PTPRD: variants seen among roughly 807,000 people sequenced by gnomAD.
PTPRD encodes receptor-type tyrosine-protein phosphatase delta.
PTPRD carries 34 observed loss-of-function variants against 214.5 expected under a neutral mutation model. The observed-to-expected ratio is 0.16, with a 90% CI of 0.12 to 0.21. The LOEUF (loss-of-function observed/expected upper bound fraction) is 0.21, where lower values mean the gene tolerates loss of function less well. Ranked by LOEUF, PTPRD falls within the 10% of genes least tolerant of loss-of-function variation. PTPRD has a pLI of 1.00. For missense variants in PTPRD, 2,545 were observed against 2,398.7 expected (o/e 1.06, Z -1.27); for synonymous variants, 1,128 against 845.7 (o/e 1.33, Z -5.79).
intron 11 of PTPRD, among the ~76,000 whole-genome samples, chr9:8,946,306 G>C (rs186068857): frequency 6.6e-6 from 1 of 152,172 alleles, no homozygotes; most frequent in Non-Finnish European, 1.5e-5. Flanking sequence ...TTAATCAAAA[G>C]TCTTAAAACG....
chr9:8,648,521 T>C (rs914605860), intron 12 of PTPRD, among the ~76,000 whole-genome samples: 6 of 152,224 alleles, frequency 3.9e-5, no homozygotes, highest in African/African-American at 1.2e-4. Context: ...GAAAACATGT[T>C]ATCAGCAACA....
chr9:8,770,385 A>C (rs571493756), intron 11 of PTPRD, among the ~76,000 whole-genome samples: 2 of 152,308 alleles, frequency 1.3e-5, no homozygotes, highest in Admixed American at 1.3e-4. Context: ...AATACAATCA[A>C]ATAATTAGAA....
chr9:9,960,675 G>A (rs1368244508), intron 4 of PTPRD, among the ~76,000 whole-genome samples: 6 of 152,052 alleles, frequency 3.9e-5, no homozygotes, highest in African/African-American at 1.4e-4. Context: ...TTCTAACAGA[G>A]GGGCATCCTG....
intron 5 of PTPRD, among the ~76,000 whole-genome samples, chr9:9,860,327 G>C (rs2062452053): frequency 6.6e-6 from 1 of 152,154 alleles, no homozygotes; most frequent in Non-Finnish European, 1.5e-5. Context: ...CTTAACTAAA[G>C]GACAATTGAA....
intron 7 of PTPRD, among the ~76,000 whole-genome samples, chr9:9,701,746 T>G (rs529743521): frequency 1.3e-5 from 2 of 151,884 alleles, no homozygotes; most frequent in Non-Finnish European, 2.9e-5. Context: ...AATATGCTAT[T>G]AATACAATTT....
Position 9,566,694 on chromosome 9 carries a change from C to T in PTPRD, c.-237+8038G>A, listed in dbSNP as rs187487172. Among the ~76,000 whole-genome samples, 295 of 152,124 alleles carry T rather than the reference C, an allele frequency of 1.9e-3. 1 individual carries two copies. Among genetic ancestry groups the T allele is most frequent in the Non-Finnish European group, 3.3e-3 (225 of 67,934 alleles). ...CCAGCTTTTAAGAAAAGCTTACACT[C>T]GTAGTGGGGTCATAACTAATTATAT... On this transcript the variant is annotated intron_variant, in intron 8 of 45. Coordinates refer to ENST00000381196, the MANE Select transcript of PTPRD (RefSeq NM_002839.4).
intron 12 of PTPRD, among the ~76,000 whole-genome samples, chr9:8,731,277 T>G (rs1411085501): frequency 6.6e-6 from 1 of 152,202 alleles, no homozygotes; most frequent in African/African-American, 2.4e-5. Context: ...CATCCCCATA[T>G]GGTCTTCTTT....
At chr9:9,451,123 C>G (rs927699645) in intron 8 of PTPRD, among the ~76,000 whole-genome samples, 1 of 151,726 alleles carries the variant, frequency 6.6e-6, no homozygotes, top group Admixed American at 6.6e-5. Flanking sequence ...GCATTACCCT[C>G]TCTAAATGAA....
chr9:10,105,266 C>T (rs771589488), intron 3 of PTPRD, among the ~76,000 whole-genome samples: 151 of 151,768 alleles, frequency 9.9e-4, no homozygotes, highest in Non-Finnish European at 1.9e-3. Context: ...TTGAAAATCA[C>T]ATTAATTCAT....
intron 4 of PTPRD, among the ~76,000 whole-genome samples, chr9:9,968,594 ATGTGGTG>A (rs923823915): frequency 2.6e-5 from 4 of 152,110 alleles, no homozygotes; most frequent in African/African-American, 9.7e-5. Context: ...TCTTTGCCTA[ATGTGGTG>A]TGTTTTGAGA....
rs1449773330 is a variant in PTPRD at position 10,612,936 on chromosome 9, C to A, written c.-956G>T. Among the ~76,000 whole-genome samples the A allele has an allele frequency of 2.0e-5, 3 of 151,074 alleles. No individual in the cohort carries two copies. Among genetic ancestry groups the A allele is most frequent in the Non-Finnish European group, 4.4e-5 (3 of 67,678 alleles). Reference sequence around the variant, plus strand: ...GCTGCGGGCGCGGCTGGGCGGGGAGCCGAGGCGGCCGCTCCCGCACTCGCT... The same window carrying A: ...GCTGCGGGCGCGGCTGGGCGGGGAGACGAGGCGGCCGCTCCCGCACTCGCT... On this transcript the variant is annotated 5_prime_UTR_variant, in exon 1 of 46. Coordinates refer to ENST00000381196, the MANE Select transcript of PTPRD (RefSeq NM_002839.4).
intron 3 of PTPRD, among the ~76,000 whole-genome samples, chr9:10,227,728 T>C (rs532154738): frequency 1.3e-5 from 2 of 151,858 alleles, no homozygotes; most frequent in South Asian, 4.1e-4. Context: ...GCTTGCTTGT[T>C]TGTTTTGTAT....
chr9:9,370,173 T>C (rs942141833), intron 9 of PTPRD, among the ~76,000 whole-genome samples: 6 of 152,122 alleles, frequency 3.9e-5, no homozygotes, highest in Non-Finnish European at 5.9e-5. Flanking sequence ...TTGATGGGGA[T>C]GGCATTGAAT....
At chr9:9,882,453 TC>T (rs2069078695) in intron 5 of PTPRD, among the ~76,000 whole-genome samples, 2 of 152,116 alleles carry the variant, frequency 1.3e-5, no homozygotes, top group Non-Finnish European at 2.9e-5. Flanking sequence ...GTCCCACCAT[TC>T]TAGGCTTGAG....
At chr9:9,082,119 G>A (rs1047650481) in intron 10 of PTPRD, among the ~76,000 whole-genome samples, 1 of 151,976 alleles carries the variant, frequency 6.6e-6, no homozygotes, top group Non-Finnish European at 1.5e-5. Context: ...TATGAGGCCA[G>A]CATCATCCTG....
rs181038128 is a variant in PTPRD, at chr9:10,209,417, G to A, written c.-545+131546C>T. ...ACTTCTGCTCAGATTAGTGGCAATC[G>A]AATTTCTTCATTTAGAACATTTGAT... On this transcript the variant is annotated intron_variant, in intron 3 of 45. Transcript: ENST00000381196. 2.6e-3 allele frequency among the ~76,000 whole-genome samples: 401 copies of A among 152,084 alleles called. 6 individuals carry two copies. Among genetic ancestry groups the A allele is most frequent in the Admixed American group, 0.021 (327 of 15,276 alleles).
chr9:9,606,340 A>T (rs1170514105), intron 7 of PTPRD, among the ~76,000 whole-genome samples: 1 of 152,058 alleles, frequency 6.6e-6, no homozygotes, highest in Admixed American at 6.6e-5. Flanking sequence ...ATCTCATTAT[A>T]ATTAGCTTGG....
intron 3 of PTPRD, among the ~76,000 whole-genome samples, chr9:10,131,999 C>G (rs535086422): frequency 1.3e-5 from 2 of 152,198 alleles, no homozygotes; most frequent in East Asian, 1.9e-4. Context: ...CAACTACACA[C>G]CATTCGGTTA....
chr9:10,207,487 A>G (rs761061196), intron 3 of PTPRD, among the ~76,000 whole-genome samples: 1 of 152,124 alleles, frequency 6.6e-6, no homozygotes, highest in East Asian at 1.9e-4. Context: ...TTTTCTAAAA[A>G]TATTTTGTGT....
Sources: gnomAD v4.1 joint callset for allele counts (sites outside exome capture counted in the v4.1 genomes callset) on GRCh38, gnomAD v4.1.1 for gene constraint, MANE v1.5 for transcripts, NCBI Gene and HGNC (gene_info 2026-07-23, HGNC 2026-07-21) for gene names.